Variants in NAXD observed in about 807,000 individuals in gnomAD.
NAXD encodes ATP-dependent (S)-NAD(P)H-hydrate dehydratase.
Under a neutral mutation model 35.8 loss-of-function variants are expected in NAXD, and 22 were observed. That is an observed-to-expected ratio of 0.62 (90% CI 0.44 to 0.88). The LOEUF (loss-of-function observed/expected upper bound fraction) is 0.88. NAXD is among the 40% of genes least tolerant of loss of function. The probability of loss-of-function intolerance (pLI) is 0.00; values close to 1 mark genes in which losing one functional copy is unlikely to be tolerated. For synonymous variants in NAXD, 189 were observed against 177.6 expected, an observed-to-expected ratio of 1.06 and a Z score of -0.51; for missense variants, 428 against 437.7, an observed-to-expected ratio of 0.98 and a Z score of 0.20.
intron 5 of NAXD, among the ~76,000 whole-genome samples, chr13:110,629,924 CG>C (rs1886643812): frequency 1.3e-5 from 2 of 152,180 alleles, no homozygotes; most frequent in Non-Finnish European, 2.9e-5. Flanking sequence ...CTCTAGTGGG[CG>C]TGGAGCGACC....
intron 5 of NAXD, among the ~76,000 whole-genome samples, chr13:110,627,859 G>C (rs1048937957): frequency 6.6e-6 from 1 of 152,132 alleles, no homozygotes; most frequent in Non-Finnish European, 1.5e-5. Context: ...ACAGAGGTTT[G>C]GGGTCAGGCC....
At position 110,635,524 on chromosome 13, in the gene NAXD, A is replaced by G; in HGVS notation, c.654A>G (p.Gln218=). 6.2e-7 allele frequency: 1 copy of G among 1,614,190 alleles called. No homozygotes were observed. The change falls in exon 8 of 10, where the codon CAA becomes CAG. Residue 218 remains glutamine (Q), a synonymous_variant. Transcript: ENST00000680254. ...DSHGSVLRLS[Q]ALGNVTVVQK... Reference sequence around the variant, plus strand: ...ATGGATCTGTGCTAAGACTCAGCCAAGCCCTGGGCAACGTGACGGTGGTCC... The same window carrying G: ...ATGGATCTGTGCTAAGACTCAGCCAGGCCCTGGGCAACGTGACGGTGGTCC...
intron 1 of NAXD, among the ~76,000 whole-genome samples, chr13:110,617,261 C>T (rs1484633184): frequency 6.6e-6 from 1 of 152,100 alleles, no homozygotes; most frequent in East Asian, 1.9e-4. Context: ...GTACTAAAAG[C>T]ACTTTTAGCA....
chr13:110,624,178 C>A, intron 2 of NAXD, 56 bp from the exon 3 acceptor site: 1 of 944,862 alleles, frequency 1.1e-6, no homozygotes, highest in Non-Finnish European at 1.7e-6. Context: ...ATTTATTGAT[C>A]AAGGTATGCT....
At chr13:110,623,933 C>T (rs561278667) in intron 2 of NAXD, among the ~76,000 whole-genome samples, 21 of 148,332 alleles carry the variant, frequency 1.4e-4, no homozygotes, top group Middle Eastern at 6.8e-3. Context: ...ACCCAGGAGG[C>T]GGAGGTTGCA....
Position 110,632,085 on chromosome 13 carries a change from TC to T in NAXD, c.442-2459del. ...GGACCCTCGCGGTGAGTGTTACAGC[TC>T]TTAAGGTGGCGCGTCTGGAGTCTGT... On this transcript the variant is annotated intron_variant, in intron 5 of 9. Coordinates refer to ENST00000680254, the MANE Select transcript of NAXD (RefSeq NM_001242882.2). 2.2e-5 allele frequency among the ~76,000 whole-genome samples: 3 copies of T among 139,276 alleles called. No individual in the cohort carries two copies. The Admixed American group carries it at 2.4e-4, about 11-fold the overall frequency. 91.4% of individuals were successfully genotyped at this position (139,276 alleles called of 152,430 possible).
chr13:110,618,917 G>A (rs548777232), intron 1 of NAXD, among the ~76,000 whole-genome samples: 68 of 152,328 alleles, frequency 4.5e-4, no homozygotes, highest in African/African-American at 1.6e-3. Flanking sequence ...AAGCTTTTCC[G>A]CTCTGGGGAG....
chr13:110,630,671 C>T lies in NAXD; in HGVS notation c.441+3124C>T, dbSNP rs944764887. On this transcript the variant is annotated intron_variant, in intron 5 of 9. Transcript: ENST00000680254. ...TGTTTTGGTTGTTACTTTAGCTCTG[C>T]GGTGCATGTCGAGCTGATGCTGGTG... is the stretch of plus-strand genomic sequence containing the variant. Among the ~76,000 whole-genome samples the T allele has an allele frequency of 4.6e-5, 7 of 152,148 alleles. No homozygotes were observed. The South Asian group carries it at 6.2e-4, about 14-fold the overall frequency.
intron 3 of NAXD, among the ~76,000 whole-genome samples, chr13:110,624,550 C>A (rs1886389538): frequency 6.6e-6 from 1 of 152,180 alleles, no homozygotes; most frequent in Non-Finnish European, 1.5e-5. Context: ...CCTCCGCCGC[C>A]TGGGTTCAAG....
At chr13:110,634,190 C>G (rs1036657345) in intron 5 of NAXD, among the ~76,000 whole-genome samples, 1 of 152,174 alleles carries the variant, frequency 6.6e-6, no homozygotes, top group Non-Finnish European at 1.5e-5. Context: ...AGAGTCTGCT[C>G]AATTTTCTGT....
chr13:110,634,338 G>A (rs2139650159), intron 5 of NAXD, among the ~76,000 whole-genome samples: 1 of 152,218 alleles, frequency 6.6e-6, no homozygotes, highest in South Asian at 2.1e-4. Context: ...GGCATCTGGC[G>A]AGGGCAGAAG....
At chr13:110,636,821 C>T (rs778576571) in intron 8 of NAXD, among the ~76,000 whole-genome samples, 5 of 152,232 alleles carry the variant, frequency 3.3e-5, no homozygotes, top group Non-Finnish European at 5.9e-5. Context: ...CTGCTCAGAG[C>T]TGCCTGCTTG....
intron 5 of NAXD, among the ~76,000 whole-genome samples, chr13:110,630,926 G>A (rs9588210): frequency 5.3e-5 from 8 of 152,320 alleles, no homozygotes; most frequent in African/African-American, 1.9e-4. Flanking sequence ...AAGCCTTGAC[G>A]TCGAAAGCCC....
chr13:110,616,526 G>A (rs1410545614), intron 1 of NAXD, among the ~76,000 whole-genome samples: 1 of 152,258 alleles, frequency 6.6e-6, no homozygotes, highest in Non-Finnish European at 1.5e-5. Context: ...CCTGGCCTTG[G>A]CTGGTCCTTG....
At chr13:110,616,078 G>T in intron 1 of NAXD, 1 of 346,492 alleles carries the variant, frequency 2.9e-6, no homozygotes, top group Non-Finnish European at 5.2e-6. Context: ...GCCCTGGGGC[G>T]CCGTGGTGCG....
chr13:110,620,509 G>T (rs758643903), intron 1 of NAXD, among the ~76,000 whole-genome samples: 4 of 151,180 alleles, frequency 2.6e-5, no homozygotes, highest in Non-Finnish European at 5.9e-5. Flanking sequence ...GGACCAGGGG[G>T]TCGTAGGTTG....
rs146913390 is a variant in NAXD, at chr13:110,630,811, G to A, written c.441+3264G>A. Reference sequence around the variant, plus strand: ...AACTTGTCATCCTCCCTGACAATCCGTTGACCCTAAATGTGAAGGCTTATT... The same window carrying A: ...AACTTGTCATCCTCCCTGACAATCCATTGACCCTAAATGTGAAGGCTTATT... On this transcript the variant is annotated intron_variant, in intron 5 of 9. Coordinates refer to ENST00000680254, the MANE Select transcript of NAXD (RefSeq NM_001242882.2). 9.9e-5 allele frequency among the ~76,000 whole-genome samples: 15 copies of A among 152,236 alleles called. 1 individual carries two copies. In the East Asian group the frequency reaches 2.7e-3, roughly 27 times the overall value.
At chr13:110,623,558 G>A (rs1307590619) in intron 2 of NAXD, among the ~76,000 whole-genome samples, 2 of 152,188 alleles carry the variant, frequency 1.3e-5, no homozygotes, top group East Asian at 1.9e-4. Context: ...GTCCATGCCC[G>A]ACTGCTCCGA....
chr13:110,638,617 G>GC lies in NAXD; in HGVS notation c.*90dup. 6.9e-7 allele frequency: 1 copy of GC among 1,443,250 alleles called. No homozygotes were observed. 89.4% of individuals were successfully genotyped at this position (1,443,250 alleles called of 1,614,324 possible). A position where few individuals can be genotyped will look rare whatever the true frequency, so the allele number is the denominator to read the frequency against. ...ATCCGGACCCACGCGTGTGCTGAAG[G>GC]CGTACGGTGCTTGCCAGATTTTCAA... On this transcript the variant is annotated 3_prime_UTR_variant, in exon 10 of 10. Coordinates refer to ENST00000680254, the MANE Select transcript of NAXD (RefSeq NM_001242882.2). This position sits in a 1 kb window ranked among gnomAD's most constrained non-coding sequence, Gnocchi z 5.4.
Sources: allele counts gnomAD v4.1 joint callset (sites outside exome capture counted in the v4.1 genomes callset), GRCh38; gene constraint gnomAD v4.1.1; non-coding constraint Gnocchi (gnomAD v3.1); transcripts MANE v1.5; gene names NCBI Gene and HGNC (gene_info 2026-07-23, HGNC 2026-07-21).